The following ADAMTS17 variants were observed in gnomAD, a reference collection of about 807,000 sequenced individuals.
ADAMTS17 encodes ADAM metallopeptidase with thrombospondin type 1 motif 17.
Under a neutral mutation model 141.5 loss-of-function variants are expected in ADAMTS17, and 113 were observed. That is an observed-to-expected ratio of 0.80 (90% CI 0.69 to 0.93). ADAMTS17 has a LOEUF of 0.93. ADAMTS17 is among the 40% of genes least tolerant of loss of function. The pLI, the probability that ADAMTS17 is intolerant of heterozygous loss-of-function variation, is 0.00. For synonymous variants in ADAMTS17, 768 were observed against 630.6 expected (o/e 1.22, Z -3.27); for missense variants, 1,659 against 1,517.9 (o/e 1.09, Z -1.54).
chr15:99,983,278 T>C (rs984376238), intron 20 of ADAMTS17, among the ~76,000 whole-genome samples: 4 of 152,074 alleles, frequency 2.6e-5, no homozygotes, highest in African/African-American at 7.2e-5. Context: ...CAGAACACAG[T>C]AGGTGCTCAA....
chr15:100,112,937 T>A (rs2036881130), intron 13 of ADAMTS17, among the ~76,000 whole-genome samples: 1 of 152,176 alleles, frequency 6.6e-6, no homozygotes, highest in South Asian at 2.1e-4. Context: ...CTCAGCAGTC[T>A]CTCTGCTCTC....
At chr15:100,019,793 C>T (rs1041595694) in intron 18 of ADAMTS17, among the ~76,000 whole-genome samples, 1 of 152,224 alleles carries the variant, frequency 6.6e-6, no homozygotes. Flanking sequence ...ACTTTCCTAT[C>T]CTGAAGCAGC....
chr15:100,059,377 C>T (rs2032929952), intron 15 of ADAMTS17, among the ~76,000 whole-genome samples: 1 of 152,014 alleles, frequency 6.6e-6, no homozygotes, highest in African/African-American at 2.4e-5. Flanking sequence ...TGCTCCTAGC[C>T]ACGCATTTGT....
intron 7 of ADAMTS17, among the ~76,000 whole-genome samples, chr15:100,241,712 C>T (rs941235949): frequency 3.3e-5 from 5 of 152,200 alleles, no homozygotes; most frequent in Admixed American, 6.5e-5. Context: ...CCTTTCCTAA[C>T]CTTGACTCAG....
chr15:100,226,290 T>C (rs1379842895), intron 7 of ADAMTS17, among the ~76,000 whole-genome samples: 1 of 152,208 alleles, frequency 6.6e-6, no homozygotes, highest in Non-Finnish European at 1.5e-5. Context: ...TCCTTGGAGT[T>C]CCCAGGGAGG....
chr15:100,237,610 G>A (rs1000078060), intron 7 of ADAMTS17, among the ~76,000 whole-genome samples: 4 of 152,112 alleles, frequency 2.6e-5, no homozygotes, highest in African/African-American at 4.8e-5. Context: ...GGGAAAGGAG[G>A]AACGCTGAGG....
At position 100,109,260 on chromosome 15, in the gene ADAMTS17, C is replaced by CCAGCTCCTCTAAACATGCGGCA. The variant is rs142688382; in HGVS notation, c.1889-145_1889-144insTGCCGCATGTTTAGAGGAGCTG. On this transcript the variant is annotated intron_variant, in intron 13 of 21. Transcript: ENST00000268070. ...AGGTGCATGAGCTCAGGTACGCGCT[C>CCAGCTCCTCTAAACATGCGGCA]CAGGAAGCGGAAAAAGACCCACAGC... The CCAGCTCCTCTAAACATGCGGCA allele has an allele frequency of 1.7e-4, 199 of 1,165,352 alleles. 2 individuals carry two copies. In the African/African-American group the frequency reaches 2.4e-3, roughly 14 times the overall value. 72.2% of individuals were successfully genotyped at this position (1,165,352 alleles called of 1,614,324 possible). A position where few individuals can be genotyped will look rare whatever the true frequency, so the allele number is the denominator to read the frequency against.
Position 99,976,431 on chromosome 15 carries a change from C to G in ADAMTS17, c.2950-209G>C, listed in dbSNP as rs144353291. 9,742 of 685,022 alleles carry G rather than the reference C, an allele frequency of 0.014. 97 individuals carry two copies. The highest frequency in any genetic ancestry group is 0.033 in the Middle Eastern group (85 of 2,548). 42.4% of individuals were successfully genotyped at this position (685,022 alleles called of 1,614,324 possible). A position where few individuals can be genotyped will look rare whatever the true frequency, so the allele number is the denominator to read the frequency against. On this transcript the variant is annotated intron_variant, in intron 20 of 21. Coordinates refer to ENST00000268070, the MANE Select transcript of ADAMTS17 (RefSeq NM_139057.4). The stretch of plus-strand genomic sequence containing the variant: ...CGAGGTCAGGGGGCTGGGACGATGG[C>G]CTCACAATGTGGCTGCCCCTGGGCT...
At chr15:100,090,834 C>T (rs1052067240) in intron 15 of ADAMTS17, among the ~76,000 whole-genome samples, 2 of 149,684 alleles carry the variant, frequency 1.3e-5, no homozygotes, top group Admixed American at 1.3e-4. Flanking sequence ...GGTGAAACCC[C>T]ATCTCTACTA....
intron 15 of ADAMTS17, among the ~76,000 whole-genome samples, chr15:100,062,315 G>A (rs1384772504): frequency 6.6e-6 from 1 of 152,176 alleles, no homozygotes; most frequent in Non-Finnish European, 1.5e-5. Context: ...GACCAAGCTA[G>A]GAGGAGGTGG....
chr15:100,082,905 T>G (rs1429436574), intron 15 of ADAMTS17, among the ~76,000 whole-genome samples: 2 of 152,002 alleles, frequency 1.3e-5, no homozygotes, highest in Non-Finnish European at 2.9e-5. Flanking sequence ...GGCTTTCTGC[T>G]GGGTGCAGGG....
intron 3 of ADAMTS17, among the ~76,000 whole-genome samples, chr15:100,320,723 C>A (rs2045707800): frequency 6.6e-6 from 1 of 152,116 alleles, no homozygotes; most frequent in East Asian, 1.9e-4. Flanking sequence ...GTCCCAGCTA[C>A]TCGAAAGGTT....
chr15:100,260,695 A>T (rs2043487426), intron 6 of ADAMTS17, among the ~76,000 whole-genome samples: 1 of 152,182 alleles, frequency 6.6e-6, no homozygotes, highest in Non-Finnish European at 1.5e-5. Context: ...CCCAAGCTAA[A>T]GATACGATAA....
intron 10 of ADAMTS17, among the ~76,000 whole-genome samples, chr15:100,139,833 G>C (rs549511004): frequency 6.6e-6 from 1 of 152,174 alleles, no homozygotes; most frequent in East Asian, 1.9e-4. Context: ...GAGGAGACCA[G>C]AGACATGACA....
intron 8 of ADAMTS17, among the ~76,000 whole-genome samples, chr15:100,179,193 A>G (rs1311593701): frequency 6.6e-6 from 1 of 152,154 alleles, no homozygotes; most frequent in Non-Finnish European, 1.5e-5. Context: ...TAGTTTTTGT[A>G]CCCATTAACT....
intron 1 of ADAMTS17, 38 bp downstream of exon 1, chr15:100,341,783 G>A: frequency 1.9e-6 from 3 of 1,543,752 alleles, no homozygotes; most frequent in Non-Finnish European, 2.6e-6. Context: ...GGTAGCCGCA[G>A]GACGCGGGGT....
intron 18 of ADAMTS17, among the ~76,000 whole-genome samples, chr15:100,011,074 T>G (rs931579570): frequency 6.6e-6 from 1 of 151,512 alleles, no homozygotes; most frequent in African/African-American, 2.4e-5. Context: ...TTGCTAACAG[T>G]GAGGACTACT....
At position 100,138,879 on chromosome 15, in the gene ADAMTS17, A is replaced by G. The variant is rs180917062; in HGVS notation, c.1474-5564T>C. Among the ~76,000 whole-genome samples the G allele has an allele frequency of 1.8e-3, 281 of 152,334 alleles. 1 individual carries two copies. The highest frequency in any genetic ancestry group is 6.5e-3 in the African/African-American group (269 of 41,580). ...CTCTTAAACACGGGCTCAAACTACTAACTTGCCTTTTAAAAAAATTTAAAA... is the reference window on the plus strand; with the variant it reads ...CTCTTAAACACGGGCTCAAACTACTGACTTGCCTTTTAAAAAAATTTAAAA... On this transcript the variant is annotated intron_variant, in intron 10 of 21. Transcript: ENST00000268070.
At chr15:100,029,587 C>T (rs1322261083) in intron 18 of ADAMTS17, among the ~76,000 whole-genome samples, 1 of 152,208 alleles carries the variant, frequency 6.6e-6, no homozygotes, top group African/African-American at 2.4e-5. Context: ...TGCCTTCAGT[C>T]TCCACTTGGT....
Sources: allele counts gnomAD v4.1 joint callset (sites outside exome capture counted in the v4.1 genomes callset), GRCh38; gene constraint gnomAD v4.1.1; transcripts MANE v1.5; gene names NCBI Gene and HGNC (gene_info 2026-07-23, HGNC 2026-07-21).